The following ENAH variants were observed in gnomAD, a reference collection of about 807,000 sequenced individuals.
ENAH encodes the protein protein enabled homolog.
ENAH carries 23 observed loss-of-function variants against 78.7 expected under a neutral mutation model. The ratio of observed to expected loss-of-function variants is 0.29; its 90% CI spans 0.21 to 0.41. The LOEUF (loss-of-function observed/expected upper bound fraction) is 0.41. Among genes scored for constraint, ENAH ranks in the 10% least tolerant of loss-of-function variants. The pLI is 1.00. For synonymous variants in ENAH, 226 were observed against 241.0 expected, an observed-to-expected ratio of 0.94 and a Z score of 0.58; for missense variants, 544 against 691.0, an observed-to-expected ratio of 0.79 and a Z score of 2.39.
At chr1:225,510,147 G>C (rs184299121) in intron 10 of ENAH, among the ~76,000 whole-genome samples, 1 of 152,094 alleles carries the variant, frequency 6.6e-6, no homozygotes, top group Admixed American at 6.5e-5. Context: ...GTTTAAAAAC[G>C]GAATGAAACA....
At chr1:225,498,462 C>G in intron 12 of ENAH, 58 bp from the exon 13 acceptor site, 1 of 1,068,354 alleles carries the variant, frequency 9.4e-7, no homozygotes, top group Non-Finnish European at 1.4e-6. Flanking sequence ...TAAAGAGATT[C>G]TTACTCATAA....
At chr1:225,648,757 C>CT (rs1662430529) in intron 1 of ENAH, among the ~76,000 whole-genome samples, 1 of 127,200 alleles carries the variant, frequency 7.9e-6, no homozygotes, top group African/African-American at 3.1e-5. Flanking sequence ...AAGATTATCT[C>CT]CTTTTTTTTT....
At chr1:225,634,985 A>G (rs1659803327) in intron 1 of ENAH, among the ~76,000 whole-genome samples, 1 of 152,248 alleles carries the variant, frequency 6.6e-6, no homozygotes, top group Admixed American at 6.5e-5. Flanking sequence ...GTGTCTGCAT[A>G]TCAATTTAAG....
chr1:225,588,801 CAAAAAAAAAAAAAAAA>C (rs55962047), intron 1 of ENAH, among the ~76,000 whole-genome samples: 4 of 78,430 alleles, frequency 5.1e-5, no homozygotes, highest in South Asian at 8.3e-4. Flanking sequence ...AAGTCTGTGT[CAAAAAAAAAAAAAAAA>C]AAAAAAAAGG....
chr1:225,554,165 G>C (rs2096655074), intron 3 of ENAH, among the ~76,000 whole-genome samples: 1 of 151,958 alleles, frequency 6.6e-6, no homozygotes, highest in Non-Finnish European at 1.5e-5. Flanking sequence ...ATACAATATA[G>C]GCAAGAGTAA....
At chr1:225,566,769 A>G (rs2151508319) in intron 2 of ENAH, among the ~76,000 whole-genome samples, 1 of 152,318 alleles carries the variant, frequency 6.6e-6, no homozygotes, top group East Asian at 1.9e-4. Flanking sequence ...GTCGCCCCAG[A>G]CATGAACTGC....
At chr1:225,602,488 G>C (rs1261637969) in intron 1 of ENAH, among the ~76,000 whole-genome samples, 1 of 151,888 alleles carries the variant, frequency 6.6e-6, no homozygotes, top group African/African-American at 2.4e-5. Flanking sequence ...ATTATTAAAG[G>C]CTAAAAGAAA....
intron 2 of ENAH, among the ~76,000 whole-genome samples, chr1:225,563,991 C>T (rs550790260): frequency 6.6e-6 from 1 of 152,256 alleles, no homozygotes; most frequent in Non-Finnish European, 1.5e-5. Flanking sequence ...ACAAAATGGC[C>T]CACTTACTGG....
intron 1 of ENAH, among the ~76,000 whole-genome samples, chr1:225,626,555 G>C (rs1029559385): frequency 3.3e-5 from 5 of 152,228 alleles, no homozygotes; most frequent in African/African-American, 9.6e-5. Flanking sequence ...ATGAAGCAGA[G>C]AGCAGCATTC....
At chr1:225,646,350 T>G (rs1332301478) in intron 1 of ENAH, among the ~76,000 whole-genome samples, 2 of 152,022 alleles carry the variant, frequency 1.3e-5, no homozygotes, top group Admixed American at 6.6e-5. Context: ...CCTTATGAAA[T>G]GAGGAGGAGA....
chr1:225,499,544 C>T (rs1365289343), intron 12 of ENAH, among the ~76,000 whole-genome samples: 2 of 152,082 alleles, frequency 1.3e-5, no homozygotes, highest in Non-Finnish European at 2.9e-5. Flanking sequence ...TGGTAGTGCA[C>T]ACCTGTAATC....
At position 225,512,934 on chromosome 1, in the gene ENAH, T is replaced by C; in HGVS notation, c.1301A>G (p.Asn434Ser). 3 of 1,614,066 alleles carry C rather than the reference T, an allele frequency of 1.9e-6. No homozygotes were observed. Among genetic ancestry groups the C allele is most frequent in the Middle Eastern group, 1.6e-4 (1 of 6,062 alleles). Residue 434 changes from asparagine (N) to serine (S), a missense_variant, in exon 8 of 14, where the codon AAT (asparagine) becomes AGT (serine). This residue lies in a region of ENAH where 366 missense variants were observed against 396.1 expected (regional missense o/e 0.92). Transcript: ENST00000366843. ...ASSKTDTGRG[N>S]GPLPLGGSGL... is the part of the protein sequence containing the mutation. Reference sequence around the variant, plus strand: ...ACTACCCCCTAAAGGAAGGGGTCCATTTCCACGGCCTGTATCTGTTTTAGA... The same window carrying C: ...ACTACCCCCTAAAGGAAGGGGTCCACTTCCACGGCCTGTATCTGTTTTAGA...
chr1:225,568,237 TAAA>T (rs969474619), intron 1 of ENAH, among the ~76,000 whole-genome samples: 5 of 152,132 alleles, frequency 3.3e-5, no homozygotes, highest in African/African-American at 1.2e-4. Flanking sequence ...CACAAATAAA[TAAA>T]ATAGAGACGC....
Position 225,519,262 on chromosome 1 carries a change from C to T in ENAH, c.738G>A (p.Glu246=), listed in dbSNP as rs2151167918. Residue 246 remains glutamate, a synonymous_variant, in exon 5 of 14, where the codon GAG becomes GAA. Coordinates refer to ENST00000366843, the MANE Select transcript of ENAH (RefSeq NM_018212.6). ...GTTCCCTTTCTAACTGCTCTTGTCG[C>T]TCCCTTTCTTGCCTCTCCCGTTCCA... ...ERLERERQER[E]RQEQLEREQL... is the part of the protein sequence containing the mutation. 1.2e-6 allele frequency: 2 copies of T among 1,614,216 alleles called. No homozygotes were observed. The highest frequency in any genetic ancestry group is 1.7e-6 in the Non-Finnish European group (2 of 1,180,042).
At chr1:225,565,273 T>C (rs1334516698) in intron 2 of ENAH, among the ~76,000 whole-genome samples, 1 of 151,930 alleles carries the variant, frequency 6.6e-6, no homozygotes, top group African/African-American at 2.4e-5. Context: ...CCATCTCTAC[T>C]AAAAATACAA....
chr1:225,613,752 A>T (rs2097005873), intron 1 of ENAH, among the ~76,000 whole-genome samples: 1 of 152,196 alleles, frequency 6.6e-6, no homozygotes, highest in Admixed American at 6.5e-5. Flanking sequence ...GGAAAAAAAC[A>T]GTGTTTTTTC....
intron 1 of ENAH, among the ~76,000 whole-genome samples, chr1:225,584,762 T>C (rs1239050576): frequency 1.3e-5 from 2 of 152,180 alleles, no homozygotes; most frequent in Admixed American, 6.5e-5. Flanking sequence ...AAATATTATA[T>C]GTCATGAAAA....
intron 12 of ENAH, 101 bp from the exon 13 acceptor site, chr1:225,498,505 GT>G (rs951829942): frequency 9.1e-5 from 64 of 702,096 alleles, no homozygotes; most frequent in African/African-American, 1.9e-4. Context: ...ATGATGTGTA[GT>G]TTTTTTTGTT....
At chr1:225,585,234 A>C (rs890811616) in intron 1 of ENAH, among the ~76,000 whole-genome samples, 24 of 149,822 alleles carry the variant, frequency 1.6e-4, no homozygotes, top group Non-Finnish European at 3.0e-4. Context: ...AAAAAAAAAA[A>C]AAAAAAAAAA....
Sources: gnomAD v4.1 joint callset for allele counts (sites outside exome capture counted in the v4.1 genomes callset) on GRCh38, gnomAD v4.1.1 for gene constraint, gnomAD v4.1.1 regional missense constraint, MANE v1.5 for transcripts, NCBI Gene and HGNC (gene_info 2026-07-23, HGNC 2026-07-21) for gene names.